The following CLHC1 variants were observed in gnomAD, a reference collection of about 807,000 sequenced individuals.
The protein encoded by CLHC1 is clathrin heavy chain linker domain-containing protein 1.
A neutral mutation model predicts 69.5 loss-of-function variants in CLHC1; 72 were observed. The observed-to-expected ratio is 1.04, with a 90% CI of 0.86 to 1.26. The LOEUF (loss-of-function observed/expected upper bound fraction) is 1.26, where lower values mean the gene tolerates loss of function less well. Among genes scored for constraint, CLHC1 ranks in the 50% most tolerant of loss-of-function variants. CLHC1 has a pLI of 0.00. For synonymous variants in CLHC1, 223 were observed against 224.3 expected (o/e 0.99, Z 0.05); for missense variants, 790 against 679.3 (o/e 1.16, Z -1.81).
rs1573559547 is a variant in CLHC1 at position 55,173,299 on chromosome 2, A to C, written c.*2491T>G. Among the ~76,000 whole-genome samples, 1 of 152,228 alleles carries C rather than the reference A, an allele frequency of 6.6e-6. No homozygotes were observed. The highest frequency in any genetic ancestry group is 1.5e-5 in the Non-Finnish European group (1 of 68,050). On this transcript the variant is annotated 3_prime_UTR_variant, in exon 13 of 13. Coordinates refer to ENST00000401408, the MANE Select transcript of CLHC1 (RefSeq NM_152385.4). ...ACTGGCTATTAGATAATGCTAAGGA[A>C]TTATTATTAGTAACTTTTAAAATAC...
chr2:55,232,044 T>C (rs114057082), intron 1 of CLHC1, 179 bp downstream of exon 1: 4,061 of 152,456 alleles, frequency 0.027, 97 homozygotes, highest in South Asian at 0.045. Flanking sequence ...GCAAATTCCC[T>C]TCCCTTGAAG....
chr2:55,206,029 T>C (rs995810106), intron 9 of CLHC1, among the ~76,000 whole-genome samples: 12 of 152,204 alleles, frequency 7.9e-5, no homozygotes, highest in African/African-American at 2.9e-4. Flanking sequence ...TATTAAATCT[T>C]GATAGTGAGT....
chr2:55,189,768 G>A (rs1256199967), intron 9 of CLHC1, among the ~76,000 whole-genome samples: 1 of 152,210 alleles, frequency 6.6e-6, no homozygotes, highest in African/African-American at 2.4e-5. Context: ...AGCTACCTAA[G>A]GCCAGGGAAA....
chr2:55,196,709 T>A (rs1477926151), intron 9 of CLHC1, among the ~76,000 whole-genome samples: 1 of 152,236 alleles, frequency 6.6e-6, no homozygotes, highest in Admixed American at 6.5e-5. Flanking sequence ...TAGTACATGC[T>A]GTGGGTCTTG....
intron 9 of CLHC1, among the ~76,000 whole-genome samples, chr2:55,194,696 T>C (rs186491086): frequency 2.6e-4 from 39 of 152,294 alleles, no homozygotes; most frequent in Non-Finnish European, 3.8e-4. Flanking sequence ...AGTCACAGGA[T>C]ACAAGACCAA....
rs1259917770 is a variant in CLHC1 at position 55,202,412 on chromosome 2, C to T, written c.1006+3858G>A. Among the ~76,000 whole-genome samples the T allele has an allele frequency of 9.2e-5, 14 of 151,594 alleles. No homozygotes were observed. In the East Asian group the frequency reaches 9.7e-4, roughly 10 times the overall value. On this transcript the variant is annotated intron_variant, in intron 9 of 12. Coordinates refer to ENST00000401408, the MANE Select transcript of CLHC1 (RefSeq NM_152385.4). ...CCCTACTAAAAATACAAAAATTAGCCGGGCCTGGTGGCAGGTGCCTGTAAT... is the reference window on the plus strand; with the variant it reads ...CCCTACTAAAAATACAAAAATTAGCTGGGCCTGGTGGCAGGTGCCTGTAAT...
At chr2:55,210,963 G>A (rs1043268136) in intron 5 of CLHC1, among the ~76,000 whole-genome samples, 1 of 152,086 alleles carries the variant, frequency 6.6e-6, no homozygotes, top group South Asian at 2.1e-4. Flanking sequence ...CAAAGTGCTA[G>A]TATTACAGGC....
In CLHC1 at chr2:55,212,721, C is replaced by A. The variant is rs377066525; in HGVS notation, c.451G>T (p.Glu151Ter). Residue 151 changes from glutamate to a stop codon, truncating the protein, a stop_gained, in exon 5 of 13, where the codon GAA (glutamate) becomes TAA (stop). Transcript: ENST00000401408. LOFTEE classifies it high-confidence loss of function. ...TTGGAGAAAGTACAATATTTTACTT[C>A]TTTTGTGTCATACTCTGCCCTACAC... is the stretch of plus-strand genomic sequence containing the variant. Reference protein sequence around the residue: ...KQCRAEYDTKEVKYCTFSKDP... With the variant: ...KQCRAEYDTK 1 of 1,598,174 alleles carries A rather than the reference C, an allele frequency of 6.3e-7. No homozygotes were observed. Among genetic ancestry groups the A allele is most frequent in the East Asian group, 2.2e-5 (1 of 44,724 alleles).
At chr2:55,202,976 T>C (rs1181749721) in intron 9 of CLHC1, among the ~76,000 whole-genome samples, 1 of 151,360 alleles carries the variant, frequency 6.6e-6, no homozygotes, top group African/African-American at 2.4e-5. Flanking sequence ...TAAAAATCAG[T>C]GCATTTCTAT....
intron 5 of CLHC1, among the ~76,000 whole-genome samples, chr2:55,211,508 A>C (rs1673008761): frequency 6.7e-6 from 1 of 150,250 alleles, no homozygotes; most frequent in South Asian, 2.1e-4. Context: ...TCTCCAAAAA[A>C]AAAAAAAAAA....
intron 3 of CLHC1, among the ~76,000 whole-genome samples, chr2:55,219,369 A>C (rs1673895475): frequency 1.3e-5 from 2 of 152,262 alleles, no homozygotes; most frequent in Non-Finnish European, 1.5e-5. Flanking sequence ...GCAAACTGGC[A>C]TATCACAGGT....
intron 9 of CLHC1, among the ~76,000 whole-genome samples, chr2:55,183,946 A>G (rs1213248445): frequency 6.6e-6 from 1 of 151,864 alleles, no homozygotes; most frequent in Non-Finnish European, 1.5e-5. Flanking sequence ...ACGCCCGGCT[A>G]ATTTTTGTAT....
intron 11 of CLHC1, among the ~76,000 whole-genome samples, chr2:55,179,573 G>T (rs1047048644): frequency 6.6e-6 from 1 of 152,170 alleles, no homozygotes; most frequent in African/African-American, 2.4e-5. Flanking sequence ...AAATGGCCAT[G>T]TTTGGTTCCA....
intron 9 of CLHC1, among the ~76,000 whole-genome samples, chr2:55,189,508 C>A (rs1670721378): frequency 6.6e-6 from 1 of 152,056 alleles, no homozygotes; most frequent in African/African-American, 2.4e-5. Flanking sequence ...CAAGGTGAAC[C>A]CAACAATAGC....
intron 12 of CLHC1, among the ~76,000 whole-genome samples, chr2:55,177,136 G>A (rs939802490): frequency 1.3e-5 from 2 of 152,102 alleles, no homozygotes; most frequent in African/African-American, 4.8e-5. Flanking sequence ...GCCCCCCAAA[G>A]TGCTGGGATT....
intron 9 of CLHC1, among the ~76,000 whole-genome samples, chr2:55,201,103 C>A (rs1000874035): frequency 6.6e-6 from 1 of 151,722 alleles, no homozygotes; most frequent in Admixed American, 6.6e-5. Flanking sequence ...AATAAACACC[C>A]TAATGATGCA....
At chr2:55,206,001 T>G (rs900782176) in intron 9 of CLHC1, among the ~76,000 whole-genome samples, 10 of 152,252 alleles carry the variant, frequency 6.6e-5, no homozygotes, top group African/African-American at 2.4e-4. Flanking sequence ...GGAGCAAATT[T>G]GACAAAGTAT....
chr2:55,204,786 TG>T (rs1204759089), intron 9 of CLHC1, among the ~76,000 whole-genome samples: 2 of 152,060 alleles, frequency 1.3e-5, no homozygotes, highest in Non-Finnish European at 2.9e-5. Flanking sequence ...TACAACAACA[TG>T]GATGGAACCG....
intron 9 of CLHC1, among the ~76,000 whole-genome samples, chr2:55,195,308 G>A (rs1401099392): frequency 6.6e-6 from 1 of 152,062 alleles, no homozygotes; most frequent in Non-Finnish European, 1.5e-5. Context: ...GCCTGGCTTA[G>A]TTCACTTAGT....
Sources: gnomAD v4.1 joint callset for allele counts (sites outside exome capture counted in the v4.1 genomes callset) on GRCh38, gnomAD v4.1.1 for gene constraint, MANE v1.5 for transcripts, NCBI Gene and HGNC (gene_info 2026-07-23, HGNC 2026-07-21) for gene names.